Variants in PPP3R1 observed in about 807,000 individuals in gnomAD.
PPP3R1 encodes calcineurin subunit B type 1.
In PPP3R1, 5 loss-of-function variants were observed where a neutral mutation model predicts 22.6. The observed-to-expected ratio is 0.22, with a 90% CI of 0.12 to 0.46. The LOEUF (loss-of-function observed/expected upper bound fraction) is 0.46. Among genes scored for constraint, PPP3R1 ranks in the 20% least tolerant of loss-of-function variants. The pLI, the probability that PPP3R1 is intolerant of heterozygous loss-of-function variation, is 0.99. For missense variants in PPP3R1, 61 were observed against 203.2 expected, an observed-to-expected ratio of 0.30 and a Z score of 4.25; for synonymous variants, 56 against 65.2, an observed-to-expected ratio of 0.86 and a Z score of 0.68.
intron 2 of PPP3R1, among the ~76,000 whole-genome samples, chr2:68,191,607 T>C (rs1214806333): frequency 6.6e-6 from 1 of 152,224 alleles, no homozygotes; most frequent in Non-Finnish European, 1.5e-5. Flanking sequence ...CGTTGTTAAG[T>C]GACACATGAC....
At chr2:68,213,153 C>A (rs1262732391) in intron 2 of PPP3R1, among the ~76,000 whole-genome samples, 1 of 152,188 alleles carries the variant, frequency 6.6e-6, no homozygotes, top group East Asian at 1.9e-4. Flanking sequence ...GGAGTTAGCA[C>A]TATTAATTTC....
intron 2 of PPP3R1, among the ~76,000 whole-genome samples, chr2:68,199,181 C>T (rs1674903757): frequency 6.6e-6 from 1 of 152,162 alleles, no homozygotes. Context: ...CCAGGATGGT[C>T]TTGATCTCCT....
At chr2:68,235,997 A>G (rs574997210) in intron 1 of PPP3R1, among the ~76,000 whole-genome samples, 1 of 152,312 alleles carries the variant, frequency 6.6e-6, no homozygotes, top group South Asian at 2.1e-4. Flanking sequence ...CTGGAGAAAT[A>G]CCTACTCAGA....
intron 2 of PPP3R1, among the ~76,000 whole-genome samples, chr2:68,216,475 A>T (rs1395066526): frequency 6.9e-6 from 1 of 144,566 alleles, no homozygotes; most frequent in African/African-American, 2.6e-5. Flanking sequence ...AAAATTAAAA[A>T]TTAAAAAAAA....
intron 2 of PPP3R1, among the ~76,000 whole-genome samples, chr2:68,203,191 G>A (rs1193768909): frequency 1.3e-5 from 2 of 152,180 alleles, no homozygotes; most frequent in Non-Finnish European, 2.9e-5. Flanking sequence ...ATAAATGACA[G>A]CTGGTAAACT....
intron 2 of PPP3R1, among the ~76,000 whole-genome samples, chr2:68,206,859 A>T (rs1416507386): frequency 6.6e-6 from 1 of 152,204 alleles, no homozygotes; most frequent in East Asian, 1.9e-4. Flanking sequence ...TTTAAAAAGT[A>T]GCACAACTAC....
At position 68,186,556 on chromosome 2, in the gene PPP3R1, T is replaced by C; in HGVS notation, c.377A>G (p.Asp126Gly). The C allele has an allele frequency of 6.2e-7, 1 of 1,612,814 alleles. No individual in the cohort carries two copies. The highest frequency in any genetic ancestry group is 8.5e-7 in the Non-Finnish European group (1 of 1,178,866). Reference sequence around the variant, plus strand: ...GTCTACAATTTGCTGTAACTGTGTATCTTTCAGATTGTTCCCCACCATCAT... The same window carrying C: ...GTCTACAATTTGCTGTAACTGTGTACCTTTCAGATTGTTCCCCACCATCAT... The part of the protein sequence containing the change: ...LKMMVGNNLK[D>G]TQLQQIVDKT... The change falls in exon 5 of 6, where the codon GAT becomes GGT. Residue 126 changes from aspartate (D) to glycine (G), a missense_variant. Coordinates refer to ENST00000234310, the MANE Select transcript of PPP3R1 (RefSeq NM_000945.4).
intron 1 of PPP3R1, among the ~76,000 whole-genome samples, chr2:68,234,481 A>G (rs1669978302): frequency 6.6e-6 from 1 of 152,238 alleles, no homozygotes. Context: ...ATTCTGTATT[A>G]TGCAAGAGGA....
intron 1 of PPP3R1, among the ~76,000 whole-genome samples, chr2:68,248,424 C>T (rs1351326094): frequency 6.6e-6 from 1 of 152,212 alleles, no homozygotes; most frequent in Admixed American, 6.5e-5. Flanking sequence ...GTCTTAAGTA[C>T]ATATAGTTAG....
intron 1 of PPP3R1, among the ~76,000 whole-genome samples, chr2:68,249,249 A>G (rs1232988674): frequency 6.6e-6 from 1 of 152,172 alleles, no homozygotes; most frequent in Non-Finnish European, 1.5e-5. Flanking sequence ...ATGAGTGGAT[A>G]AATTTTCTCA....
chr2:68,222,025 G>A (rs552604287), intron 1 of PPP3R1, among the ~76,000 whole-genome samples: 1 of 152,020 alleles, frequency 6.6e-6, no homozygotes, highest in East Asian at 1.9e-4. Context: ...ATGGAAAGCT[G>A]GATCTAGACA....
chr2:68,184,324 C>G (rs773365011), intron 5 of PPP3R1, among the ~76,000 whole-genome samples: 1 of 152,232 alleles, frequency 6.6e-6, no homozygotes, highest in Non-Finnish European at 1.5e-5. Context: ...GATTTCCAAG[C>G]TGATAAAGCT....
chr2:68,182,356 T>C (rs1674431641), intron 5 of PPP3R1, among the ~76,000 whole-genome samples: 1 of 152,168 alleles, frequency 6.6e-6, no homozygotes, highest in Admixed American at 6.5e-5. Context: ...TATTTGCTTT[T>C]ATGCAGTGGC....
chr2:68,228,786 A>G (rs1390092559), intron 1 of PPP3R1, among the ~76,000 whole-genome samples: 1 of 151,912 alleles, frequency 6.6e-6, no homozygotes, highest in East Asian at 1.9e-4. Context: ...ATTTAGTGGT[A>G]TAAATTTCCC....
chr2:68,215,440 G>A (rs1333415812), intron 2 of PPP3R1, among the ~76,000 whole-genome samples: 3 of 152,036 alleles, frequency 2.0e-5, no homozygotes, highest in African/African-American at 7.2e-5. Context: ...AAAGCTTCGG[G>A]CTCCAGAGCA....
intron 1 of PPP3R1, among the ~76,000 whole-genome samples, chr2:68,227,040 A>G (rs965795702): frequency 6.6e-6 from 1 of 152,088 alleles, no homozygotes; most frequent in Non-Finnish European, 1.5e-5. Flanking sequence ...AAACTCTACT[A>G]GATAAAGATG....
intron 2 of PPP3R1, among the ~76,000 whole-genome samples, chr2:68,207,257 C>T (rs1472355667): frequency 2.0e-5 from 3 of 148,078 alleles, no homozygotes; most frequent in African/African-American, 7.4e-5. Context: ...TTCTAGTGAA[C>T]CAAGCAGGAA....
chr2:68,198,233 GTATA>G (rs1674847147), intron 2 of PPP3R1, among the ~76,000 whole-genome samples: 2 of 113,704 alleles, frequency 1.8e-5, no homozygotes, highest in African/African-American at 6.2e-5. Context: ...TTACATATAT[GTATA>G]CACATATGTA....
chr2:68,191,138 C>G (rs556272648), intron 2 of PPP3R1, among the ~76,000 whole-genome samples: 2 of 152,156 alleles, frequency 1.3e-5, no homozygotes, highest in Non-Finnish European at 2.9e-5. Flanking sequence ...AATACACATA[C>G]AGTCAGTCAT....
Sources: gnomAD v4.1 joint callset for allele counts (sites outside exome capture counted in the v4.1 genomes callset) on GRCh38, gnomAD v4.1.1 for gene constraint, MANE v1.5 for transcripts, NCBI Gene and HGNC (gene_info 2026-07-23, HGNC 2026-07-21) for gene names.